NFIB: variants seen among roughly 807,000 people sequenced by gnomAD.
The protein encoded by NFIB is nuclear factor 1 B-type.
Under a neutral mutation model 61.5 loss-of-function variants are expected in NFIB, and 11 were observed. The ratio of observed to expected loss-of-function variants is 0.18; its 90% CI spans 0.11 to 0.30. NFIB has a LOEUF of 0.30. Ranked by LOEUF, NFIB falls within the 10% of genes least tolerant of loss-of-function variation. The pLI, the probability that NFIB is intolerant of heterozygous loss-of-function variation, is 1.00. For synonymous variants in NFIB, 260 were observed against 216.5 expected, an observed-to-expected ratio of 1.20 and a Z score of -1.76; for missense variants, 471 against 608.9, an observed-to-expected ratio of 0.77 and a Z score of 2.38.
chr9:14,520,589 A>C, the NFIB span, among the ~76,000 whole-genome samples: 1 of 152,188 alleles, frequency 6.6e-6, no homozygotes, highest in African/African-American at 2.4e-5. Flanking sequence ...GAGGGGCTGA[A>C]ATAATGAAAG....
chr9:14,205,591 G>C (rs181899491), intron 2 of NFIB, among the ~76,000 whole-genome samples: 1 of 152,202 alleles, frequency 6.6e-6, no homozygotes, highest in East Asian at 2.0e-4. Flanking sequence ...CTCAGGTTGA[G>C]AGACACATTA....
intron 3 of NFIB, among the ~76,000 whole-genome samples, chr9:14,168,773 T>C (rs1021170850): frequency 2.0e-5 from 3 of 152,220 alleles, no homozygotes; most frequent in African/African-American, 7.2e-5. Flanking sequence ...TAAAGAGTTA[T>C]TAAGATTCAG....
chr9:14,127,949 AC>A (rs1221216717), intron 6 of NFIB, among the ~76,000 whole-genome samples: 174 of 150,508 alleles, frequency 1.2e-3, no homozygotes, highest in African/African-American at 3.8e-3. Flanking sequence ...AAAAAAAAAA[AC>A]CAGAAATAAA....
chr9:14,400,106 T>C (rs143983622), upstream of NFIB, among the ~76,000 whole-genome samples: 332 of 152,190 alleles, frequency 2.2e-3, 1 homozygote, highest in Non-Finnish European at 3.8e-3. Context: ...GTCTTCATAA[T>C]GAATAGTGTA....
chr9:14,180,312 A>G (rs2046623682), intron 2 of NFIB, among the ~76,000 whole-genome samples: 1 of 152,212 alleles, frequency 6.6e-6, no homozygotes, highest in South Asian at 2.1e-4. Context: ...ATTTATCTAC[A>G]TCCCATAATA....
the NFIB span, among the ~76,000 whole-genome samples, chr9:14,474,445 C>A: frequency 6.6e-6 from 1 of 152,228 alleles, no homozygotes; most frequent in East Asian, 1.9e-4. Flanking sequence ...TAGGTTTTAA[C>A]ATACGAATTT....
chr9:14,215,736 T>A (rs953565322), intron 2 of NFIB, among the ~76,000 whole-genome samples: 3 of 152,218 alleles, frequency 2.0e-5, no homozygotes, highest in African/African-American at 7.2e-5. Flanking sequence ...ACTTCCTCTG[T>A]AATACTCCAA....
chr9:14,495,369 G>C, the NFIB span, among the ~76,000 whole-genome samples: 1 of 150,930 alleles, frequency 6.6e-6, no homozygotes, highest in Admixed American at 6.6e-5. Flanking sequence ...GGGGATTTCA[G>C]ATTTCAGGAA....
intron 4 of NFIB, 54 bp downstream of exon 4, chr9:14,155,771 A>C: frequency 4.5e-6 from 5 of 1,119,368 alleles, no homozygotes; most frequent in Middle Eastern, 2.1e-4. Context: ...TTCAAAATAT[A>C]AAGTATTTTA....
At chr9:14,396,513 A>G (rs1353184904) in intron 1 of NFIB, among the ~76,000 whole-genome samples, 6 of 152,084 alleles carry the variant, frequency 3.9e-5, no homozygotes, top group Non-Finnish European at 7.4e-5. Flanking sequence ...GGTGTATTAT[A>G]GGCTATAAGA....
chr9:14,417,573 T>C, the NFIB span, among the ~76,000 whole-genome samples: 1 of 152,324 alleles, frequency 6.6e-6, no homozygotes, highest in South Asian at 2.1e-4. Flanking sequence ...CAGCACATGG[T>C]AACACCTCAA....
intron 2 of NFIB, among the ~76,000 whole-genome samples, chr9:14,184,040 T>C (rs1587402965): frequency 6.6e-6 from 1 of 152,324 alleles, no homozygotes; most frequent in East Asian, 1.9e-4. Flanking sequence ...TTTTCAATCC[T>C]TTCGTCCACT....
At chr9:14,118,121 T>C (rs1257790945) in intron 8 of NFIB, among the ~76,000 whole-genome samples, 2 of 152,058 alleles carry the variant, frequency 1.3e-5, no homozygotes, top group African/African-American at 4.8e-5. Flanking sequence ...CAGTTAACTA[T>C]AAAGACCCAT....
At chr9:14,112,455 A>T (rs1439749220) in intron 10 of NFIB, among the ~76,000 whole-genome samples, 2 of 152,236 alleles carry the variant, frequency 1.3e-5, no homozygotes, top group African/African-American at 4.8e-5. Flanking sequence ...AAGAAAGCAG[A>T]ACCAAAAAAA....
chr9:14,318,727 T>C (rs2060597900), upstream of NFIB, among the ~76,000 whole-genome samples: 1 of 152,066 alleles, frequency 6.6e-6, no homozygotes, highest in Non-Finnish European at 1.5e-5. Context: ...ACAAAAATCA[T>C]ACATGTGTAG....
chr9:14,175,203 T>C (rs1299187437), intron 3 of NFIB, among the ~76,000 whole-genome samples: 1 of 134,016 alleles, frequency 7.5e-6, no homozygotes, highest in Non-Finnish European at 1.5e-5. Flanking sequence ...GGAGTCTCGC[T>C]CTGTTGTCCA....
At chr9:14,269,730 A>AT (rs1251152007) in intron 2 of NFIB, among the ~76,000 whole-genome samples, 2 of 151,636 alleles carry the variant, frequency 1.3e-5, no homozygotes, top group African/African-American at 2.4e-5. Flanking sequence ...ATATGTCCCG[A>AT]TTTTTTTTTC....
At chr9:14,237,576 T>G (rs1444821867) in intron 2 of NFIB, among the ~76,000 whole-genome samples, 1 of 152,146 alleles carries the variant, frequency 6.6e-6, no homozygotes, top group Non-Finnish European at 1.5e-5. Context: ...CTTCCCAACA[T>G]GCTTCCAAGG....
intron 2 of NFIB, among the ~76,000 whole-genome samples, chr9:14,230,767 G>C (rs895799859): frequency 1.3e-5 from 2 of 152,092 alleles, no homozygotes; most frequent in African/African-American, 4.8e-5. Flanking sequence ...AAGTTCCAGA[G>C]AGAAAAGTGA....
Sources: allele counts gnomAD v4.1 joint callset (sites outside exome capture counted in the v4.1 genomes callset), GRCh38; gene constraint gnomAD v4.1.1; transcripts MANE v1.5; gene names NCBI Gene and HGNC (gene_info 2026-07-23, HGNC 2026-07-21).